The following MMP16 variants were observed in gnomAD, a reference collection of about 807,000 sequenced individuals.
MMP16 encodes matrix metalloproteinase-16.
MMP16 carries 12 observed loss-of-function variants against 67.8 expected under a neutral mutation model. The ratio of observed to expected loss-of-function variants is 0.18; its 90% CI spans 0.11 to 0.29. MMP16 has a LOEUF of 0.29. Among genes scored for constraint, MMP16 ranks in the 10% least tolerant of loss-of-function variants. The probability of loss-of-function intolerance (pLI) is 1.00; values close to 1 mark genes in which losing one functional copy is unlikely to be tolerated. For synonymous variants in MMP16, 249 were observed against 255.9 expected (o/e 0.97, Z 0.26); for missense variants, 475 against 765.7 (o/e 0.62, Z 4.48).
intron 9 of MMP16, among the ~76,000 whole-genome samples, chr8:88,046,388 G>A (rs1808199541): frequency 6.6e-6 from 1 of 152,014 alleles, no homozygotes. Flanking sequence ...AATTTTAATA[G>A]AAATATAGGT....
chr8:88,267,440 T>C (rs374568672), intron 1 of MMP16, among the ~76,000 whole-genome samples: 2 of 152,200 alleles, frequency 1.3e-5, no homozygotes, highest in Non-Finnish European at 2.9e-5. Flanking sequence ...GGCCTGCTAA[T>C]ATAACACTTG....
chr8:88,154,533 A>G (rs1352465230), intron 4 of MMP16, among the ~76,000 whole-genome samples: 1 of 151,640 alleles, frequency 6.6e-6, no homozygotes, highest in African/African-American at 2.4e-5. Flanking sequence ...AATACTATGC[A>G]GCCATAAAAA....
chr8:88,142,830 A>G (rs1358257527), intron 4 of MMP16, among the ~76,000 whole-genome samples: 1 of 152,156 alleles, frequency 6.6e-6, no homozygotes, highest in Non-Finnish European at 1.5e-5. Context: ...AAAAAGAAAA[A>G]CAAAGGCTTG....
chr8:88,298,333 T>G (rs955428131), intron 1 of MMP16, among the ~76,000 whole-genome samples: 1 of 152,178 alleles, frequency 6.6e-6, no homozygotes, highest in Non-Finnish European at 1.5e-5. Flanking sequence ...AGGTAGAACA[T>G]GTACTGCTTG....
chr8:88,065,242 C>A (rs997779692), intron 7 of MMP16, among the ~76,000 whole-genome samples: 2 of 152,040 alleles, frequency 1.3e-5, no homozygotes, highest in Non-Finnish European at 2.9e-5. Context: ...CTGGGGAACT[C>A]TACAGGGCAC....
chr8:88,160,461 AAG>A (rs1198068477), intron 4 of MMP16, among the ~76,000 whole-genome samples: 2 of 152,078 alleles, frequency 1.3e-5, no homozygotes, highest in African/African-American at 4.8e-5. Flanking sequence ...CCCCATCAAA[AAG>A]TGGGCAAAGG....
intron 7 of MMP16, among the ~76,000 whole-genome samples, chr8:88,067,887 G>A (rs754039152): frequency 2.6e-5 from 4 of 152,062 alleles, no homozygotes; most frequent in East Asian, 3.9e-4. Flanking sequence ...TTCATGTAGA[G>A]GTCTTTGATT....
chr8:88,320,193 C>T (rs927776782), intron 1 of MMP16, among the ~76,000 whole-genome samples: 4 of 152,102 alleles, frequency 2.6e-5, no homozygotes, highest in African/African-American at 9.7e-5. Flanking sequence ...TAGGTAGAAA[C>T]TGGATTTTAA....
intron 4 of MMP16, among the ~76,000 whole-genome samples, chr8:88,148,942 T>G (rs899052135): frequency 6.6e-6 from 1 of 152,194 alleles, no homozygotes; most frequent in African/African-American, 2.4e-5. Context: ...CATTTCCATC[T>G]GAGGTACCGG....
chr8:88,041,063 G>T lies in MMP16; in HGVS notation c.*398C>A. 6.3e-6 allele frequency: 1 copy of T among 159,798 alleles called. No individual in the cohort carries two copies. The highest frequency in any genetic ancestry group is 1.4e-5 in the Non-Finnish European group (1 of 73,196). 9.9% of individuals were successfully genotyped at this position (159,798 alleles called of 1,614,324 possible). On this transcript the variant is annotated 3_prime_UTR_variant, in exon 10 of 10. Coordinates refer to ENST00000286614, the MANE Select transcript of MMP16 (RefSeq NM_005941.5). This position sits in a 1 kb window ranked among gnomAD's most constrained non-coding sequence, Gnocchi z 6.0. Reference sequence around the variant, plus strand: ...AAAAAAGAAAAACCGTGGGTTTTCTGATTTGCTTTTTTTTTCTCCCCCCAG... The same window carrying T: ...AAAAAAGAAAAACCGTGGGTTTTCTTATTTGCTTTTTTTTTCTCCCCCCAG...
chr8:88,156,631 G>A (rs527874987), intron 4 of MMP16, among the ~76,000 whole-genome samples: 12 of 152,056 alleles, frequency 7.9e-5, no homozygotes, highest in South Asian at 6.2e-4. Context: ...CAAAACTAAA[G>A]TAAAAAGCTG....
At chr8:88,208,818 CA>C (rs59898929) in intron 1 of MMP16, among the ~76,000 whole-genome samples, 1,630 of 130,614 alleles carry the variant, frequency 0.012, 14 homozygotes, top group African/African-American at 0.027. Context: ...GTAGATATGG[CA>C]AAAAAAAAAA....
intron 1 of MMP16, among the ~76,000 whole-genome samples, chr8:88,232,124 A>T (rs1360232568): frequency 6.6e-6 from 1 of 152,176 alleles, no homozygotes; most frequent in Non-Finnish European, 1.5e-5. Context: ...GCAAGTTCAC[A>T]TATGGGCAAG....
chr8:88,281,171 C>T (rs1169999484), intron 1 of MMP16, among the ~76,000 whole-genome samples: 2 of 152,094 alleles, frequency 1.3e-5, no homozygotes, highest in East Asian at 3.9e-4. Flanking sequence ...AATTAAAAAC[C>T]ATATCTTGTA....
chr8:88,214,884 G>A (rs1233058748), intron 1 of MMP16, among the ~76,000 whole-genome samples: 2 of 152,076 alleles, frequency 1.3e-5, no homozygotes, highest in Non-Finnish European at 2.9e-5. Context: ...TCTTTATAGA[G>A]CCTTCCAAAC....
intron 4 of MMP16, among the ~76,000 whole-genome samples, chr8:88,146,128 C>A (rs1178300262): frequency 2.6e-5 from 4 of 151,902 alleles, no homozygotes; most frequent in African/African-American, 9.7e-5. Flanking sequence ...ATTCTCAATT[C>A]AAATGCTCCT....
intron 1 of MMP16, among the ~76,000 whole-genome samples, chr8:88,247,277 C>G (rs971034046): frequency 1.3e-5 from 2 of 152,126 alleles, no homozygotes; most frequent in African/African-American, 4.8e-5. Context: ...TGTGATAACT[C>G]AAGTATAAAT....
chr8:88,083,034 T>C (rs986890116), intron 6 of MMP16, among the ~76,000 whole-genome samples: 1 of 151,958 alleles, frequency 6.6e-6, no homozygotes, highest in African/African-American at 2.4e-5. Flanking sequence ...AATTTTATGG[T>C]TAAAAGGATT....
intron 6 of MMP16, among the ~76,000 whole-genome samples, chr8:88,093,473 C>T (rs1488180166): frequency 1.3e-5 from 2 of 151,640 alleles, no homozygotes; most frequent in African/African-American, 2.4e-5. Flanking sequence ...GGTCCATAAA[C>T]CTAAAGACTA....
Sources: gnomAD v4.1 joint callset for allele counts (sites outside exome capture counted in the v4.1 genomes callset) on GRCh38, gnomAD v4.1.1 for gene constraint, Gnocchi (gnomAD v3.1) non-coding constraint, MANE v1.5 for transcripts, NCBI Gene and HGNC (gene_info 2026-07-23, HGNC 2026-07-21) for gene names.